USP54: variants seen among roughly 807,000 people sequenced by gnomAD.
USP54 encodes ubiquitin carboxyl-terminal hydrolase 54.
In USP54, 87 loss-of-function variants were observed where a neutral mutation model predicts 170.5. The observed-to-expected ratio is 0.51, with a 90% confidence interval of 0.43 to 0.61. USP54 has a LOEUF of 0.61. USP54 is among the 20% of genes least tolerant of loss of function. The pLI is 0.00. For synonymous variants in USP54, 655 were observed against 742.8 expected, an observed-to-expected ratio of 0.88 and a Z score of 1.92; for missense variants, 1,786 against 2,047.8, an observed-to-expected ratio of 0.87 and a Z score of 2.47.
rs2076043841 is a variant in USP54, at chr10:73,575,826, G to C, written c.-46C>G. 2 of 726,920 alleles carry C rather than the reference G, an allele frequency of 2.8e-6. No individual in the cohort carries two copies. The highest frequency in any genetic ancestry group is 5.9e-5 in the East Asian group (2 of 33,966). 45.0% of individuals were successfully genotyped at this position (726,920 alleles called of 1,614,324 possible). On this transcript the variant is annotated 5_prime_UTR_variant, in exon 2 of 24. Coordinates refer to ENST00000687698, the MANE Select transcript of USP54 (RefSeq NM_001391956.1). ...CCAAATATCATCTGTGTAGTCAAGG[G>C]ACTCAGGTATCCTCCTAGATCAAGA...
At chr10:73,608,019 T>C (rs1341109135) in intron 1 of USP54, among the ~76,000 whole-genome samples, 1 of 152,168 alleles carries the variant, frequency 6.6e-6, no homozygotes, top group East Asian at 1.9e-4. Flanking sequence ...CCCAGCAATT[T>C]GGGAGGCCAA....
intron 5 of USP54, among the ~76,000 whole-genome samples, chr10:73,543,997 C>T (rs1267987429): frequency 1.3e-5 from 2 of 150,858 alleles, no homozygotes; most frequent in East Asian, 3.9e-4. Context: ...GGCAGGAGTA[C>T]AGTAGAGCGA....
chr10:73,505,522 T>C, intron 20 of USP54, 96 bp from the exon 21 acceptor site: 1 of 951,884 alleles, frequency 1.1e-6, no homozygotes. Flanking sequence ...TGTTGTTTCA[T>C]TTAATAATAA....
upstream of USP54, among the ~76,000 whole-genome samples, chr10:73,592,883 T>A (rs191939641): frequency 6.6e-6 from 1 of 152,218 alleles, no homozygotes; most frequent in South Asian, 2.1e-4. Flanking sequence ...AACTCTGCTA[T>A]GATACTCACA....
intron 4 of USP54, among the ~76,000 whole-genome samples, chr10:73,552,068 T>G (rs1014168979): frequency 6.6e-6 from 1 of 152,140 alleles, no homozygotes; most frequent in Non-Finnish European, 1.5e-5. Context: ...GACGGTATGG[T>G]GTAATGGTTA....
intron 16 of USP54, among the ~76,000 whole-genome samples, chr10:73,524,725 TAAC>T (rs1314642423): frequency 6.6e-6 from 1 of 152,176 alleles, no homozygotes; most frequent in South Asian, 2.1e-4. Flanking sequence ...CATTTAATCA[TAAC>T]AACAACTTAT....
At chr10:73,577,084 T>G (rs1334467776) in intron 1 of USP54, among the ~76,000 whole-genome samples, 1 of 152,176 alleles carries the variant, frequency 6.6e-6, no homozygotes, top group African/African-American at 2.4e-5. Context: ...CAGAGAGTAA[T>G]ACCAAAGCAA....
At chr10:73,606,740 G>A (rs113519921) in intron 1 of USP54, among the ~76,000 whole-genome samples, 5,355 of 152,128 alleles carry the variant, frequency 0.035, 154 homozygotes, top group South Asian at 0.12. Context: ...TTAGCCAGGT[G>A]TGGTGGCGGG....
At chr10:73,509,668 T>C (rs2059889632) in intron 20 of USP54, among the ~76,000 whole-genome samples, 2 of 152,000 alleles carry the variant, frequency 1.3e-5, no homozygotes, top group African/African-American at 2.4e-5. Flanking sequence ...AAATTATTTA[T>C]GAATGAAATA....
intron 1 of USP54, among the ~76,000 whole-genome samples, chr10:73,601,122 T>G (rs2079134844): frequency 3.3e-5 from 5 of 152,064 alleles, no homozygotes. Context: ...AATAGGAAAG[T>G]TTGGGTAAAT....
chr10:73,563,127 A>C (rs1362520456), intron 4 of USP54, among the ~76,000 whole-genome samples: 1 of 151,634 alleles, frequency 6.6e-6, no homozygotes, highest in African/African-American at 2.4e-5. Flanking sequence ...AATTTTTAAA[A>C]ATGTTTTCGT....
At chr10:73,602,198 A>G (rs760117885) in intron 1 of USP54, among the ~76,000 whole-genome samples, 1 of 152,176 alleles carries the variant, frequency 6.6e-6, no homozygotes, top group African/African-American at 2.4e-5. Context: ...ATAGCAGTCT[A>G]TTTATTGGTA....
chr10:73,529,467 G>C, intron 15 of USP54: 1 of 621,016 alleles, frequency 1.6e-6, no homozygotes, highest in African/African-American at 1.8e-5. Context: ...TTTTATACAT[G>C]ATAACTGTAT....
chr10:73,587,526 C>T (rs1047099683), intron 1 of USP54, among the ~76,000 whole-genome samples: 1 of 151,998 alleles, frequency 6.6e-6, no homozygotes, highest in African/African-American at 2.4e-5. Context: ...TGCAGAACCT[C>T]GGGAGGTAAC....
chr10:73,621,155 C>CA (rs2081056233), intron 1 of USP54, among the ~76,000 whole-genome samples: 1 of 147,572 alleles, frequency 6.8e-6, no homozygotes, highest in Non-Finnish European at 1.5e-5. Flanking sequence ...GACTCTGTCT[C>CA]AAAAAACAAA....
At chr10:73,617,543 C>T (rs2080740835) in intron 1 of USP54, among the ~76,000 whole-genome samples, 1 of 149,980 alleles carries the variant, frequency 6.7e-6, no homozygotes, top group African/African-American at 2.5e-5. Flanking sequence ...AAAATGAGAT[C>T]ACTTGGCCAG....
chr10:73,617,736 C>A (rs188659111), intron 1 of USP54, among the ~76,000 whole-genome samples: 2 of 148,814 alleles, frequency 1.3e-5, no homozygotes, highest in East Asian at 2.0e-4. Flanking sequence ...GTTGAGAGGG[C>A]GGGGTGAAAA....
In USP54 at chr10:73,534,659, T is replaced by C; in HGVS notation, c.1256A>G (p.Gln419Arg). Residue 419 changes from glutamine to arginine, a missense_variant, in exon 12 of 24, where the codon CAG (glutamine) becomes CGG (arginine). By Grantham distance (43) the Gln-to-Arg change is conservative (BLOSUM62 1). Coordinates refer to ENST00000687698, the MANE Select transcript of USP54 (RefSeq NM_001391956.1). Reference sequence around the variant, plus strand: ...TTCCACATTATAGATGACTGTCCCCTGAGAATCAGAAGAGAAGTGACTGAC... The same window carrying C: ...TTCCACATTATAGATGACTGTCCCCCGAGAATCAGAAGAGAAGTGACTGAC... ...SVVSHFSSDS[Q>R]GTVIYNVEND... The C allele has an allele frequency of 6.2e-7, 1 of 1,614,100 alleles. No homozygotes were observed. The highest frequency in any genetic ancestry group is 2.2e-5 in the East Asian group (1 of 44,882).
intron 10 of USP54, among the ~76,000 whole-genome samples, chr10:73,538,891 A>G (rs777578102): frequency 5.3e-5 from 8 of 152,228 alleles, no homozygotes; most frequent in Non-Finnish European, 4.4e-5. Context: ...CAGAGGATAT[A>G]ATAGAAGATA....
Sources: gnomAD v4.1 joint callset for allele counts (sites outside exome capture counted in the v4.1 genomes callset) on GRCh38, gnomAD v4.1.1 for gene constraint, MANE v1.5 for transcripts, NCBI Gene and HGNC (gene_info 2026-07-23, HGNC 2026-07-21) for gene names.